The following SMG5 variants were observed in gnomAD, a reference collection of about 807,000 sequenced individuals.
SMG5 encodes SMG5 nonsense mediated mRNA decay factor.
Under a neutral mutation model 122.9 loss-of-function variants are expected in SMG5, and 53 were observed. That is an observed-to-expected ratio of 0.43 (90% CI 0.35 to 0.54). The LOEUF (loss-of-function observed/expected upper bound fraction) is 0.54, where lower values mean the gene tolerates loss of function less well. Among genes scored for constraint, SMG5 ranks in the 20% least tolerant of loss-of-function variants. The probability of loss-of-function intolerance (pLI) is 0.01; values close to 1 mark genes in which losing one functional copy is unlikely to be tolerated. For synonymous variants in SMG5, 477 were observed against 490.2 expected (o/e 0.97, Z 0.35); for missense variants, 1,153 against 1,285.6 (o/e 0.90, Z 1.58).
intron 12 of SMG5, among the ~76,000 whole-genome samples, chr1:156,265,241 T>C (rs1662071825): frequency 7.3e-6 from 1 of 137,866 alleles, no homozygotes. Context: ...AAAAAAAAAC[T>C]TTGGAAGTAA....
chr1:156,271,378 C>T (rs373643819), intron 7 of SMG5, among the ~76,000 whole-genome samples: 9 of 152,248 alleles, frequency 5.9e-5, no homozygotes, highest in African/African-American at 2.2e-4. Context: ...ATTTTGGCTT[C>T]TCAACTTTAG....
intron 13 of SMG5, among the ~76,000 whole-genome samples, chr1:156,262,368 C>T (rs1283630004): frequency 6.0e-5 from 9 of 148,958 alleles, no homozygotes; most frequent in African/African-American, 1.7e-4. Flanking sequence ...CCCAGCTACT[C>T]GGGAGGCTGA....
chr1:156,271,100 T>C (rs371416618), intron 7 of SMG5, among the ~76,000 whole-genome samples: 15 of 152,008 alleles, frequency 9.9e-5, no homozygotes, highest in Admixed American at 9.8e-4. Flanking sequence ...TCGGTATAGG[T>C]ATAGAAGGCC....
intron 3 of SMG5, 28 bp from the exon 4 acceptor site, chr1:156,277,269 G>A (rs1290040652): frequency 6.2e-7 from 1 of 1,606,406 alleles, no homozygotes; most frequent in Admixed American, 1.7e-5. Context: ...GAAGGGGCTG[G>A]TTAAGCAATA....
At position 156,249,521 on chromosome 1, in the gene SMG5, C is replaced by T. The variant is rs1297582979; in HGVS notation, c.*1066G>A. 4 of 358,134 alleles carry T rather than the reference C, an allele frequency of 1.1e-5. No individual in the cohort carries two copies. The highest frequency in any genetic ancestry group is 2.2e-5 in the Non-Finnish European group (4 of 178,844). The allele number at this position is 358,134 out of a possible 1,614,324, so 22.2% of individuals were successfully genotyped here. A position where few individuals can be genotyped will look rare whatever the true frequency, so the allele number is the denominator to read the frequency against. ...CACACACAGCCCTGCTCTTGGTGCG[C>T]CATTCACTGCCCTGAGCTATTCATG... On this transcript the variant is annotated 3_prime_UTR_variant, in exon 22 of 22. Transcript: ENST00000361813.
chr1:156,279,095 C>T, intron 1 of SMG5, 61 bp from the exon 2 acceptor site: 1 of 1,385,534 alleles, frequency 7.2e-7, no homozygotes, highest in Non-Finnish European at 1.0e-6. Context: ...GAGGATGACG[C>T]TGGGACACGA....
At chr1:156,268,520 GC>G in intron 7 of SMG5, 105 bp from the exon 8 acceptor site, 2 of 1,447,200 alleles carry the variant, frequency 1.4e-6, no homozygotes, top group Non-Finnish European at 1.9e-6. Context: ...GCTGCTCCCA[GC>G]CTCAGCTTCC....
At position 156,250,312 on chromosome 1, in the gene SMG5, A is replaced by G. The variant is rs1323698301; in HGVS notation, c.*275T>C. On this transcript the variant is annotated 3_prime_UTR_variant, in exon 22 of 22. Transcript: ENST00000361813. ...ATGCCTACCACCTGCCCCTGGAGAC[A>G]GCAGGGGAGCTGAGGCAGGAAGGCT... The G allele has an allele frequency of 2.1e-6, 1 of 471,894 alleles. No homozygotes were observed. Among genetic ancestry groups the G allele is most frequent in the Non-Finnish European group, 3.9e-6 (1 of 258,600 alleles). 29.2% of individuals were successfully genotyped at this position (471,894 alleles called of 1,614,324 possible). A position where few individuals can be genotyped will look rare whatever the true frequency, so the allele number is the denominator to read the frequency against.
At chr1:156,286,860 AT>A (rs1440622820), upstream of SMG5, among the ~76,000 whole-genome samples, 1 of 152,246 alleles carries the variant, frequency 6.6e-6, no homozygotes, top group African/African-American at 2.4e-5. Context: ...GCAGTGGCTC[AT>A]GCCTGTAATC....
chr1:156,266,002 C>A lies in SMG5; in HGVS notation c.1634G>T (p.Arg545Ile). The A allele has an allele frequency of 4.3e-6, 7 of 1,614,214 alleles. No individual in the cohort carries two copies. Among genetic ancestry groups the A allele is most frequent in the Non-Finnish European group, 5.9e-6 (7 of 1,180,040 alleles). Residue 545 changes from arginine (R) to isoleucine (I), a missense_variant, in exon 12 of 22, where the codon AGA (arginine) becomes ATA (isoleucine). Around this residue, in one of 5 missense-constraint regions of SMG5, gnomAD observed 631 missense variants for 650.6 expected, o/e 0.97. Coordinates refer to ENST00000361813, the MANE Select transcript of SMG5 (RefSeq NM_015327.3). ...ATTGAGGGAATCGGGAGCCTCTGAT[C>A]TGCCCCGAGGGGGCTCCAGGGTTGG... ...RSPTLEPPRGRSEAPDSLNGP... is the reference protein window; with the variant it reads ...RSPTLEPPRGISEAPDSLNGP...
At position 156,251,009 on chromosome 1, in the gene SMG5, G is replaced by A; in HGVS notation, c.2829-13C>T. 5 of 1,611,558 alleles carry A rather than the reference G, an allele frequency of 3.1e-6. No individual in the cohort carries two copies. The highest frequency in any genetic ancestry group is 4.2e-6 in the Non-Finnish European group (5 of 1,178,298). On this transcript the variant is annotated splice_polypyrimidine_tract_variant and intron_variant, in intron 20 of 21. Coordinates refer to ENST00000361813, the MANE Select transcript of SMG5 (RefSeq NM_015327.3). Reference sequence around the variant, plus strand: ...CTTATAGAGAGTCCTGGGGATGGGGGGCAGAGGGGAAGATGGGCCAAGACC... The same window carrying A: ...CTTATAGAGAGTCCTGGGGATGGGGAGCAGAGGGGAAGATGGGCCAAGACC...
upstream of SMG5, chr1:156,285,917 A>G (rs752225406): frequency 6.0e-6 from 9 of 1,490,580 alleles, no homozygotes; most frequent in Middle Eastern, 3.5e-4. Context: ...ACGGCTGCCC[A>G]CCATGAGTTC....
chr1:156,260,694 T>C, intron 14 of SMG5, 68 bp from the exon 15 acceptor site: 1 of 1,368,218 alleles, frequency 7.3e-7, no homozygotes, highest in Non-Finnish European at 9.6e-7. Flanking sequence ...GACATAACCC[T>C]TCCCTTTGGG....
chr1:156,261,396 G>T lies in SMG5; in HGVS notation c.2044C>A (p.Leu682Met), dbSNP rs1304806348. The change falls in exon 14 of 22, where the codon CTG becomes ATG. Residue 682 changes from leucine to methionine, a missense_variant. Physicochemically the swap from Leu to Met is conservative, Grantham distance 15. Around this residue, in one of 5 missense-constraint regions of SMG5, gnomAD observed 631 missense variants for 650.6 expected, o/e 0.97. Transcript: ENST00000361813. ...AGCAACACAGACAGGCGGTTCCACA[G>T]ACTTTGAGAGCTCTGGGGAGAGAGA... is the stretch of plus-strand genomic sequence containing the variant. ...IIVCAQSSQSLWNRLSVLLNL... is the reference protein window; with the variant it reads ...IIVCAQSSQSMWNRLSVLLNL... 1.2e-6 allele frequency: 2 copies of T among 1,614,024 alleles called. No homozygotes were observed. The highest frequency in any genetic ancestry group is 3.3e-5 in the Admixed American group (2 of 60,004).
chr1:156,259,561 G>A (rs570370661), intron 15 of SMG5, among the ~76,000 whole-genome samples: 3 of 152,154 alleles, frequency 2.0e-5, no homozygotes, highest in South Asian at 2.1e-4. Context: ...ACAGAATCTC[G>A]CTTTGTTACC....
In SMG5 at chr1:156,268,105, T is replaced by A. The variant is rs745804642; in HGVS notation, c.908+10A>T. 12 of 1,613,866 alleles carry A rather than the reference T, an allele frequency of 7.4e-6. No homozygotes were observed. The African/African-American group carries it at 1.6e-4, about 22-fold the overall frequency. On this transcript the variant is annotated intron_variant, in intron 9 of 21. Transcript: ENST00000361813. The stretch of plus-strand genomic sequence containing the variant: ...CAGGATAGTTCAGGTTCATGCTCTC[T>A]TCCACTCACCTGCTTTTGGGCTGTA...
Position 156,266,138 on chromosome 1 carries a change from T to C in SMG5, c.1498A>G (p.Ser500Gly). 2 of 1,614,172 alleles carry C rather than the reference T, an allele frequency of 1.2e-6. No individual in the cohort carries two copies. Among genetic ancestry groups the C allele is most frequent in the Non-Finnish European group, 1.7e-6 (2 of 1,180,042 alleles). The change falls in exon 12 of 22, where the codon AGT (serine) becomes GGT (glycine). Residue 500 changes from serine to glycine, a missense_variant. By Grantham distance (56) the Ser-to-Gly change is moderately conservative. This residue lies in a region of SMG5 where 631 missense variants were observed against 650.6 expected (regional missense o/e 0.97). Transcript: ENST00000361813. Reference sequence around the variant, plus strand: ...AAGGCCGTTCCCCCACCTTCAAGACTCTTGTCAGAGCCACTGTCTGAGCCC... The same window carrying C: ...AAGGCCGTTCCCCCACCTTCAAGACCCTTGTCAGAGCCACTGTCTGAGCCC... ...SEGSDSGSDKSLEGGGTAFDA... is the reference protein window; with the variant it reads ...SEGSDSGSDKGLEGGGTAFDA...
chr1:156,277,103 C>G lies in SMG5; in HGVS notation c.436G>C (p.Val146Leu). 1 of 1,613,622 alleles carries G rather than the reference C, an allele frequency of 6.2e-7. No homozygotes were observed. Among genetic ancestry groups the G allele is most frequent in the South Asian group, 1.1e-5 (1 of 91,028 alleles). Residue 146 changes from valine to leucine, a missense_variant, in exon 4 of 22, where the codon GTC becomes CTC. Val to Leu is a conservative substitution (Grantham distance 32). Around this residue, in one of 5 missense-constraint regions of SMG5, gnomAD observed 213 missense variants for 197.5 expected, o/e 1.08. Coordinates refer to ENST00000361813, the MANE Select transcript of SMG5 (RefSeq NM_015327.3). ...CACTGACCTATGAGGGGGTCAGTGA[C>G]ATGGGTCCAGTCGATGCAGCACTGC... ...ELQCCIDWTH[V>L]TDPLIGCKKP...
upstream of SMG5, chr1:156,285,486 C>T (rs749899305): frequency 3.7e-6 from 6 of 1,614,148 alleles, no homozygotes; most frequent in South Asian, 1.1e-5. Flanking sequence ...CCCAGTGCTC[C>T]GTTCCCGGAT....
Sources: allele counts gnomAD v4.1 joint callset (sites outside exome capture counted in the v4.1 genomes callset), GRCh38; gene constraint gnomAD v4.1.1; regional missense constraint gnomAD v4.1.1; transcripts MANE v1.5; gene names NCBI Gene and HGNC (gene_info 2026-07-23, HGNC 2026-07-21).